The following ARHGAP28 variants were observed in gnomAD, a reference collection of about 807,000 sequenced individuals.
ARHGAP28 encodes the protein Rho GTPase activating protein 28.
A neutral mutation model predicts 90.7 loss-of-function variants in ARHGAP28; 56 were observed. The observed-to-expected ratio is 0.62, with a 90% confidence interval of 0.50 to 0.77. ARHGAP28 has a LOEUF of 0.77. ARHGAP28 is among the 30% of genes least tolerant of loss of function. The probability of loss-of-function intolerance (pLI) is 0.00; values close to 1 mark genes in which losing one functional copy is unlikely to be tolerated. For synonymous variants in ARHGAP28, 308 were observed against 323.3 expected (o/e 0.95, Z 0.51); for missense variants, 869 against 900.9 (o/e 0.96, Z 0.45).
chr18:6,794,179 TAA>T (rs1162127281), intron 1 of ARHGAP28, among the ~76,000 whole-genome samples: 1 of 152,226 alleles, frequency 6.6e-6, no homozygotes, highest in Non-Finnish European at 1.5e-5. Context: ...CTAAACATGA[TAA>T]ATTCTTCTTT....
At chr18:6,741,038 G>A (rs767296105) in intron 1 of ARHGAP28, among the ~76,000 whole-genome samples, 15 of 152,168 alleles carry the variant, frequency 9.9e-5, no homozygotes, top group Admixed American at 2.0e-4. Flanking sequence ...AGGTGGTGTC[G>A]ATTATGAGAA....
At chr18:6,811,915 T>A (rs1339096711) in intron 1 of ARHGAP28, among the ~76,000 whole-genome samples, 1 of 152,194 alleles carries the variant, frequency 6.6e-6, no homozygotes, top group Non-Finnish European at 1.5e-5. Flanking sequence ...CTCAACTATA[T>A]GATTCCAAAA....
chr18:6,757,204 T>C (rs2056118255), intron 1 of ARHGAP28, among the ~76,000 whole-genome samples: 1 of 152,210 alleles, frequency 6.6e-6, no homozygotes, highest in South Asian at 2.1e-4. Flanking sequence ...GCAGTATTTT[T>C]TGGAAACATG....
At chr18:6,736,590 AT>A (rs201540776) in intron 1 of ARHGAP28, among the ~76,000 whole-genome samples, 82 of 147,594 alleles carry the variant, frequency 5.6e-4, no homozygotes, top group African/African-American at 1.9e-3. Flanking sequence ...AAAAAAAAAA[AT>A]ACAAAATTAG....
intron 1 of ARHGAP28, among the ~76,000 whole-genome samples, chr18:6,812,785 A>G (rs2056566204): frequency 6.6e-6 from 1 of 152,244 alleles, no homozygotes; most frequent in South Asian, 2.1e-4. Flanking sequence ...CAGAACTTAC[A>G]GCTCTTGTCT....
intron 10 of ARHGAP28, among the ~76,000 whole-genome samples, chr18:6,880,362 C>T (rs1423396447): frequency 6.6e-6 from 1 of 152,086 alleles, no homozygotes; most frequent in Non-Finnish European, 1.5e-5. Context: ...CTTAGTTATC[C>T]CTCCCTGGAA....
intron 1 of ARHGAP28, among the ~76,000 whole-genome samples, chr18:6,785,397 A>G (rs757366346): frequency 6.6e-6 from 1 of 152,142 alleles, no homozygotes; most frequent in Non-Finnish European, 1.5e-5. Context: ...TGGCACTATA[A>G]CTCAGTGGTA....
chr18:6,818,777 G>C (rs1010911928), intron 1 of ARHGAP28, among the ~76,000 whole-genome samples: 1 of 152,216 alleles, frequency 6.6e-6, no homozygotes, highest in Non-Finnish European at 1.5e-5. Flanking sequence ...GAAAGAACTT[G>C]GCTTTTTAGA....
At position 6,732,902 on chromosome 18, in the gene ARHGAP28, GA is replaced by G. The variant is rs540693285; in HGVS notation, c.122+2960del. 2.8e-3 allele frequency among the ~76,000 whole-genome samples: 425 copies of G among 152,186 alleles called. 5 individuals carry two copies. Among genetic ancestry groups the G allele is most frequent in the African/African-American group, 9.8e-3 (405 of 41,514 alleles). On this transcript the variant is annotated intron_variant, in intron 1 of 17. Transcript: ENST00000383472. ...AATCAGGTGTTGTTGCTGTAAAGAG[GA>G]GAGTCAAACTTTTGGTACTTGCATC...
At chr18:6,878,533 G>A (rs1046439147) in intron 10 of ARHGAP28, among the ~76,000 whole-genome samples, 15 of 152,142 alleles carry the variant, frequency 9.9e-5, no homozygotes, top group African/African-American at 3.6e-4. Context: ...TGTGCACAAA[G>A]TTTAACGTCA....
intron 3 of ARHGAP28, among the ~76,000 whole-genome samples, chr18:6,839,345 G>T (rs138485390): frequency 2.0e-5 from 3 of 149,730 alleles, no homozygotes; most frequent in Admixed American, 2.0e-4. Flanking sequence ...CCAGGCTGGA[G>T]TGCAGTGGCG....
intron 3 of ARHGAP28, 136 bp from the exon 4 acceptor site, chr18:6,850,898 C>T (rs1466742590): frequency 5.9e-6 from 9 of 1,524,928 alleles, no homozygotes; most frequent in Admixed American, 4.0e-5. Context: ...TATCAATGCC[C>T]AGGTAGTCAT....
At chr18:6,858,066 G>A (rs532648534) in intron 4 of ARHGAP28, among the ~76,000 whole-genome samples, 1 of 152,056 alleles carries the variant, frequency 6.6e-6, no homozygotes, top group Non-Finnish European at 1.5e-5. Context: ...TGTGGCATCT[G>A]GAGTTCCTTC....
At position 6,797,740 on chromosome 18, in the gene ARHGAP28, C is replaced by G. The variant is rs577722828; in HGVS notation, c.123-27022C>G. On this transcript the variant is annotated intron_variant, in intron 1 of 17. Coordinates refer to ENST00000383472, the MANE Select transcript of ARHGAP28 (RefSeq NM_001366230.1). ...GCAACAACGCGATCTCGCCTCACTG[C>G]AAACTCCGCCTCCCGGGTTCAAGTG... is the stretch of plus-strand genomic sequence containing the variant. Among the ~76,000 whole-genome samples the G allele has an allele frequency of 1.1e-4, 17 of 152,158 alleles. No individual in the cohort carries two copies. The South Asian group carries it at 3.5e-3, about 32-fold the overall frequency.
At chr18:6,884,588 T>C (rs2057205821) in intron 11 of ARHGAP28, among the ~76,000 whole-genome samples, 1 of 152,208 alleles carries the variant, frequency 6.6e-6, no homozygotes, top group Admixed American at 6.5e-5. Flanking sequence ...TTACTATTGT[T>C]GCTCTTTTAA....
intron 3 of ARHGAP28, among the ~76,000 whole-genome samples, chr18:6,845,146 G>A (rs2056856572): frequency 1.3e-5 from 2 of 152,124 alleles, no homozygotes; most frequent in Non-Finnish European, 1.5e-5. Context: ...TTGCACAGTC[G>A]TAGCTCGCTG....
intron 10 of ARHGAP28, 121 bp from the exon 11 acceptor site, chr18:6,882,016 G>A (rs180751156): frequency 1.1e-5 from 9 of 852,550 alleles, no homozygotes; most frequent in Non-Finnish European, 1.5e-5. Context: ...ATTACTCTTG[G>A]TAGACATTAC....
chr18:6,880,051 TCTC>T (rs1378954407), intron 10 of ARHGAP28, among the ~76,000 whole-genome samples: 4 of 152,160 alleles, frequency 2.6e-5, no homozygotes, highest in Non-Finnish European at 1.5e-5. Flanking sequence ...TTTGAATTCT[TCTC>T]CTCTCGCTGG....
At chr18:6,884,720 C>T (rs1358074642) in intron 11 of ARHGAP28, among the ~76,000 whole-genome samples, 5 of 152,134 alleles carry the variant, frequency 3.3e-5, no homozygotes, top group Non-Finnish European at 7.3e-5. Context: ...TGTGGGTCAG[C>T]CAGAGATTTG....
Sources: allele counts gnomAD v4.1 joint callset (sites outside exome capture counted in the v4.1 genomes callset), GRCh38; gene constraint gnomAD v4.1.1; transcripts MANE v1.5; gene names NCBI Gene and HGNC (gene_info 2026-07-23, HGNC 2026-07-21).